FOXN3: variants seen among roughly 807,000 people sequenced by gnomAD.
FOXN3 encodes forkhead box protein N3.
Under a neutral mutation model 38.4 loss-of-function variants are expected in FOXN3, and 7 were observed. That is an observed-to-expected ratio of 0.18 (90% CI 0.10 to 0.34). The LOEUF is 0.34. FOXN3 is among the 10% of genes least tolerant of loss of function. The pLI, the probability that FOXN3 is intolerant of heterozygous loss-of-function variation, is 1.00. For missense variants in FOXN3, 456 were observed against 613.4 expected (o/e 0.74, Z 2.71); for synonymous variants, 230 against 242.2 (o/e 0.95, Z 0.47).
intron 1 of FOXN3, among the ~76,000 whole-genome samples, chr14:89,440,056 G>A (rs1892348885): frequency 6.6e-6 from 1 of 152,064 alleles, no homozygotes; most frequent in South Asian, 2.1e-4. Context: ...GTCTGGATTG[G>A]GACCCCTTTC....
chr14:89,334,665 A>T (rs10142083), intron 3 of FOXN3, among the ~76,000 whole-genome samples: 27,865 of 151,790 alleles, frequency 0.18, 2,890 homozygotes, highest in South Asian at 0.3. Flanking sequence ...TACAGCACAG[A>T]GACTACAGTT....
At chr14:89,351,147 A>C (rs1412613110) in intron 2 of FOXN3, 1 of 166,034 alleles carries the variant, frequency 6.0e-6, no homozygotes, top group African/African-American at 2.4e-5. Flanking sequence ...AAATGAATTT[A>C]ACTGTGTCAG....
intron 1 of FOXN3, among the ~76,000 whole-genome samples, chr14:89,494,735 T>A (rs1387641281): frequency 1.3e-5 from 2 of 152,230 alleles, no homozygotes; most frequent in Non-Finnish European, 2.9e-5. Context: ...TAGAGCTGCA[T>A]TAGCAGGCTA....
intron 4 of FOXN3, among the ~76,000 whole-genome samples, chr14:89,265,148 T>C (rs1257364965): frequency 6.6e-6 from 1 of 152,216 alleles, no homozygotes; most frequent in African/African-American, 2.4e-5. Context: ...TCCTGTATGG[T>C]GTACAGGGCA....
chr14:89,321,505 C>T (rs948792005), intron 3 of FOXN3, among the ~76,000 whole-genome samples: 7 of 151,664 alleles, frequency 4.6e-5, no homozygotes, highest in African/African-American at 1.2e-4. Context: ...TGAACCTGGG[C>T]GGCAGAGTTT....
At chr14:89,581,747 T>C (rs12435434) in intron 1 of FOXN3, among the ~76,000 whole-genome samples, 20,090 of 152,124 alleles carry the variant, frequency 0.13, 3,458 homozygotes, top group African/African-American at 0.4. Context: ...GGGTCTCTTC[T>C]ACTTCAGGGA....
chr14:89,504,130 G>A (rs1033394650), intron 1 of FOXN3, among the ~76,000 whole-genome samples: 1 of 152,142 alleles, frequency 6.6e-6, no homozygotes, highest in African/African-American at 2.4e-5. Flanking sequence ...CCTGTTCCTG[G>A]GCCAGGAACT....
chr14:89,526,106 A>T (rs911107167), intron 1 of FOXN3, among the ~76,000 whole-genome samples: 1 of 128,274 alleles, frequency 7.8e-6, no homozygotes, highest in African/African-American at 2.8e-5. Flanking sequence ...CAAACTAGGA[A>T]TAGAAGGAAC....
intron 4 of FOXN3, among the ~76,000 whole-genome samples, chr14:89,218,943 T>C (rs1257403238): frequency 1.3e-5 from 2 of 152,232 alleles, no homozygotes; most frequent in African/African-American, 4.8e-5. Flanking sequence ...GCTAAGACTT[T>C]CCCTAACCTT....
intron 2 of FOXN3, among the ~76,000 whole-genome samples, chr14:89,411,266 T>C (rs553961439): frequency 1.3e-5 from 2 of 152,286 alleles, no homozygotes; most frequent in African/African-American, 2.4e-5. Flanking sequence ...GCCAAAAACA[T>C]TGGGGACCTC....
intron 1 of FOXN3, among the ~76,000 whole-genome samples, chr14:89,427,613 C>T (rs565290893): frequency 2.6e-5 from 4 of 151,734 alleles, no homozygotes; most frequent in South Asian, 4.2e-4. Context: ...CCACCGTGCC[C>T]GGCCAGGACT....
intron 1 of FOXN3, among the ~76,000 whole-genome samples, chr14:89,523,645 G>C (rs933886826): frequency 2.6e-5 from 4 of 152,146 alleles, no homozygotes; most frequent in African/African-American, 9.7e-5. Context: ...ACTTCTAACT[G>C]GATGAAAATG....
rs148620000 is a variant in FOXN3 at position 89,480,357 on chromosome 14, C to T, written c.-14-67867G>A. ...GGCGGAGGTTGCAGTGAGCCGAGAC[C>T]GTGCCATTTCACTCCAGCCTGGGCA... On this transcript the variant is annotated intron_variant, in intron 1 of 6. Transcript: ENST00000345097. Among the ~76,000 whole-genome samples the T allele has an allele frequency of 4.5e-3, 686 of 151,792 alleles. 7 individuals carry two copies. The highest frequency in any genetic ancestry group is 0.016 in the African/African-American group (648 of 41,330).
intron 3 of FOXN3, among the ~76,000 whole-genome samples, chr14:89,344,686 C>T (rs532151111): frequency 3.9e-5 from 6 of 152,260 alleles, no homozygotes; most frequent in African/African-American, 1.4e-4. Context: ...ACCAAAATCA[C>T]AAAGTCAAGG....
At chr14:89,379,973 A>G (rs1230609601) in intron 2 of FOXN3, among the ~76,000 whole-genome samples, 1 of 152,182 alleles carries the variant, frequency 6.6e-6, no homozygotes, top group Non-Finnish European at 1.5e-5. Context: ...GCTCAATTCA[A>G]ACGCAGAATA....
chr14:89,521,272 T>G (rs1894310108), intron 1 of FOXN3, among the ~76,000 whole-genome samples: 1 of 150,638 alleles, frequency 6.6e-6, no homozygotes, highest in South Asian at 2.1e-4. Flanking sequence ...ATTGCACCAC[T>G]GCACTCCAGC....
At chr14:89,420,020 G>A (rs1396297282), upstream of FOXN3, among the ~76,000 whole-genome samples, 4 of 152,052 alleles carry the variant, frequency 2.6e-5, no homozygotes, top group Non-Finnish European at 5.9e-5. Context: ...ATATATGAGA[G>A]GAAATACGGG....
At chr14:89,446,139 C>A (rs2139703233) in intron 1 of FOXN3, among the ~76,000 whole-genome samples, 1 of 134,878 alleles carries the variant, frequency 7.4e-6, no homozygotes. Context: ...GTCTAGAACC[C>A]AGGTCTGATT....
chr14:89,318,314 A>G (rs1276704463), intron 3 of FOXN3, among the ~76,000 whole-genome samples: 1 of 151,936 alleles, frequency 6.6e-6, no homozygotes, highest in Non-Finnish European at 1.5e-5. Flanking sequence ...GCCCACCACC[A>G]TGCCCAGCTA....
Sources: allele counts gnomAD v4.1 joint callset (sites outside exome capture counted in the v4.1 genomes callset), GRCh38; gene constraint gnomAD v4.1.1; transcripts MANE v1.5; gene names NCBI Gene and HGNC (gene_info 2026-07-23, HGNC 2026-07-21).